STPG2: variants seen among roughly 807,000 people sequenced by gnomAD.
STPG2 encodes the protein sperm-tail PG-rich repeat-containing protein 2.
A neutral mutation model predicts 54.2 loss-of-function variants in STPG2; 56 were observed. That is an observed-to-expected ratio of 1.03 (90% confidence interval 0.83 to 1.29). The LOEUF is 1.29. Among genes scored for constraint, STPG2 ranks in the 50% most tolerant of loss-of-function variants. The pLI, the probability that STPG2 is intolerant of heterozygous loss-of-function variation, is 0.00. For missense variants in STPG2, 596 were observed against 544.9 expected (o/e 1.09, Z -0.93); for synonymous variants, 200 against 181.8 (o/e 1.10, Z -0.81).
intron 10 of STPG2, among the ~76,000 whole-genome samples, chr4:97,594,454 G>T (rs562464169): frequency 6.6e-6 from 1 of 152,204 alleles, no homozygotes; most frequent in South Asian, 2.1e-4. Flanking sequence ...AAAGAAAAAA[G>T]ATTAAAGAAG....
chr4:97,951,195 C>G (rs904032195), intron 7 of STPG2, among the ~76,000 whole-genome samples: 1 of 152,120 alleles, frequency 6.6e-6, no homozygotes, highest in Non-Finnish European at 1.5e-5. Context: ...TCCTTAAAAT[C>G]CCCAATTTCC....
chr4:97,979,409 T>C (rs941206440), intron 6 of STPG2, among the ~76,000 whole-genome samples: 2 of 152,184 alleles, frequency 1.3e-5, no homozygotes, highest in Non-Finnish European at 2.9e-5. Flanking sequence ...GTGACTGTTG[T>C]GGGCCTCCAG....
chr4:97,734,379 A>ATT (rs1195011245), intron 9 of STPG2, among the ~76,000 whole-genome samples: 1 of 152,116 alleles, frequency 6.6e-6, no homozygotes, highest in African/African-American at 2.4e-5. Context: ...GTATTAAGCC[A>ATT]GGTACCCATT....
In STPG2 at chr4:98,023,598, T is replaced by G. The variant is rs1043833263; in HGVS notation, c.613-42280A>C. 3.3e-5 allele frequency among the ~76,000 whole-genome samples: 5 copies of G among 152,206 alleles called. No homozygotes were observed. In the East Asian group the frequency reaches 7.7e-4, roughly 23 times the overall value. ...CATTTAAGTCTGCAGAGGTTACTGCTGTCTTTTTGTTTGTCTGTGCCCTGC... is the reference window on the plus strand; with the variant it reads ...CATTTAAGTCTGCAGAGGTTACTGCGGTCTTTTTGTTTGTCTGTGCCCTGC... On this transcript the variant is annotated intron_variant, in intron 5 of 10. Transcript: ENST00000295268.
In STPG2 at chr4:97,681,697, T is replaced by C. The variant is rs111896751; in HGVS notation, c.1320+31002A>G. Among the ~76,000 whole-genome samples the C allele has an allele frequency of 5.1e-3, 769 of 151,946 alleles. 4 individuals carry two copies. Among genetic ancestry groups the C allele is most frequent in the Middle Eastern group, 0.02 (6 of 294 alleles). On this transcript the variant is annotated intron_variant, in intron 10 of 10. Transcript: ENST00000295268. ...ATATTCATTTTAGAAACCCAATCTA[T>C]GTGTTAAAATAGCATTATGTGAAGA... is the stretch of plus-strand genomic sequence containing the variant.
At chr4:97,708,901 C>T (rs1724032211) in intron 10 of STPG2, among the ~76,000 whole-genome samples, 3 of 151,508 alleles carry the variant, frequency 2.0e-5, no homozygotes, top group African/African-American at 7.2e-5. Context: ...AAATAAATTC[C>T]TTTATAATTT....
intron 8 of STPG2, among the ~76,000 whole-genome samples, chr4:97,869,778 T>C (rs1358894193): frequency 6.6e-6 from 1 of 151,716 alleles, no homozygotes; most frequent in Non-Finnish European, 1.5e-5. Context: ...TATTCAGTAA[T>C]TTCCTGAGAG....
intron 4 of STPG2, among the ~76,000 whole-genome samples, chr4:97,530,914 G>A (rs980753661): frequency 1.3e-5 from 2 of 152,100 alleles, no homozygotes; most frequent in East Asian, 3.9e-4. Flanking sequence ...CATACATGGA[G>A]GATGCATCTG....
chr4:97,863,533 G>A (rs1284283532), intron 8 of STPG2, among the ~76,000 whole-genome samples: 2 of 152,144 alleles, frequency 1.3e-5, no homozygotes, highest in Admixed American at 1.3e-4. Flanking sequence ...GGAGGAGCTG[G>A]TACCATTCCT....
chr4:97,750,612 A>G (rs1042800330), intron 9 of STPG2, among the ~76,000 whole-genome samples: 2 of 151,746 alleles, frequency 1.3e-5, no homozygotes, highest in Middle Eastern at 3.2e-3. Flanking sequence ...AGCAGTAACA[A>G]GAAAGATAAA....
At chr4:97,641,354 C>A (rs1721758348) in intron 10 of STPG2, among the ~76,000 whole-genome samples, 1 of 151,404 alleles carries the variant, frequency 6.6e-6, no homozygotes, top group Non-Finnish European at 1.5e-5. Context: ...AATAATTCTA[C>A]TTATAATATG....
At chr4:98,127,939 G>A (rs958199114) in intron 3 of STPG2, among the ~76,000 whole-genome samples, 15 of 152,154 alleles carry the variant, frequency 9.9e-5, no homozygotes, top group African/African-American at 3.4e-4. Flanking sequence ...TAATATCTAT[G>A]TATTATTTAT....
rs70953083 is a variant in STPG2 at position 97,694,812 on chromosome 4, CAAAAAAAAAAAAAAAAAAAA to C, written c.1320+17867_1320+17886del. Among the ~76,000 whole-genome samples, 12 of 44,044 alleles carry C rather than the reference CAAAAAAAAAAAAAAAAAAAA, an allele frequency of 2.7e-4. No individual in the cohort carries two copies. In the South Asian group the frequency reaches 5.7e-3, roughly 21 times the overall value. The allele number at this position is 44,044 out of a possible 152,430, so 28.9% of individuals were successfully genotyped here. On this transcript the variant is annotated intron_variant, in intron 10 of 10. Transcript: ENST00000295268. Reference sequence around the variant, plus strand: ...TGGGTTACAGAGCAAGACTCTGTCACAAAAAAAAAAAAAAAAAAAAAAAAAAAAAAAAAAAAAAATTAGCA... The same window carrying C: ...TGGGTTACAGAGCAAGACTCTGTCACAAAAAAAAAAAAAAAAAAATTAGCA...
chr4:97,785,694 C>A (rs1011987246), intron 9 of STPG2, among the ~76,000 whole-genome samples: 2 of 151,934 alleles, frequency 1.3e-5, no homozygotes, highest in African/African-American at 2.4e-5. Context: ...ACAAAAACAA[C>A]AACAAAAATA....
At chr4:97,799,732 C>A (rs1578575547) in intron 9 of STPG2, among the ~76,000 whole-genome samples, 3 of 151,948 alleles carry the variant, frequency 2.0e-5, no homozygotes, top group African/African-American at 7.3e-5. Flanking sequence ...GTTGGCCTGC[C>A]TTGCTAGGTT....
At chr4:98,128,171 A>G (rs902529401) in intron 3 of STPG2, among the ~76,000 whole-genome samples, 1 of 152,184 alleles carries the variant, frequency 6.6e-6, no homozygotes, top group South Asian at 2.1e-4. Flanking sequence ...CAGAAGCACA[A>G]CTGGAATAAT....
At chr4:97,474,751 A>G (rs966877288) in intron 4 of STPG2, among the ~76,000 whole-genome samples, 2 of 152,126 alleles carry the variant, frequency 1.3e-5, no homozygotes, top group Non-Finnish European at 2.9e-5. Flanking sequence ...AAAACCCCAC[A>G]GAGCTGTATT....
intron 9 of STPG2, among the ~76,000 whole-genome samples, chr4:97,723,443 C>A (rs894195624): frequency 6.6e-6 from 1 of 152,090 alleles, no homozygotes; most frequent in African/African-American, 2.4e-5. Flanking sequence ...ATTCATGCAG[C>A]AAACATGCAA....
intron 10 of STPG2, among the ~76,000 whole-genome samples, chr4:97,672,166 CT>C (rs70953079): frequency 0.035 from 2,808 of 80,712 alleles, 24 homozygotes; most frequent in African/African-American, 0.09. Context: ...ACTGGTAATT[CT>C]TTTTTTTTTT....
Sources: gnomAD v4.1 joint callset for allele counts (sites outside exome capture counted in the v4.1 genomes callset) on GRCh38, gnomAD v4.1.1 for gene constraint, MANE v1.5 for transcripts, NCBI Gene and HGNC (gene_info 2026-07-23, HGNC 2026-07-21) for gene names.